OSBPL5: variants seen among roughly 807,000 people sequenced by gnomAD.
OSBPL5 encodes oxysterol binding protein like 5.
OSBPL5 carries 71 observed loss-of-function variants against 111.2 expected under a neutral mutation model. The observed-to-expected ratio is 0.64, with a 90% CI of 0.53 to 0.78. OSBPL5 has a LOEUF of 0.78. OSBPL5 is among the 30% of genes least tolerant of loss of function. OSBPL5 has a pLI of 0.00. For missense variants in OSBPL5, 1,210 were observed against 1,189.3 expected, an observed-to-expected ratio of 1.02 and a Z score of -0.26; for synonymous variants, 549 against 513.9, an observed-to-expected ratio of 1.07 and a Z score of -0.93.
chr11:3,095,768 G>C (rs748891675), intron 14 of OSBPL5, among the ~76,000 whole-genome samples: 1 of 152,168 alleles, frequency 6.6e-6, no homozygotes, highest in Non-Finnish European at 1.5e-5. Context: ...TAGTAGACAA[G>C]GGGAAGTTTC....
Position 3,146,987 on chromosome 11 carries a change from G to A in OSBPL5, c.-21-17818C>T, listed in dbSNP as rs1846371904. On this transcript the variant is annotated intron_variant, in intron 1 of 21. Transcript: ENST00000263650. The surrounding 1 kb of genome is among the most constrained non-coding windows in gnomAD (Gnocchi z 7.8). ...TTGGCAGCTGTCACGACCCTCCTGA[G>A]CTAAACGCACAGCCCGCACCTTGTT... 1.3e-5 allele frequency among the ~76,000 whole-genome samples: 2 copies of A among 152,180 alleles called. No homozygotes were observed. Among genetic ancestry groups the A allele is most frequent in the Admixed American group, 1.3e-4 (2 of 15,278 alleles).
intron 1 of OSBPL5, among the ~76,000 whole-genome samples, chr11:3,155,295 GCTACAGGGACCCT>G (rs1846719025): frequency 6.6e-6 from 1 of 152,088 alleles, no homozygotes. Context: ...ATCTGGAGGT[GCTACAGGGACCCT>G]CTCCAGGAAT....
chr11:3,090,828 G>C, intron 19 of OSBPL5, 132 bp from the exon 20 acceptor site: 2 of 1,252,496 alleles, frequency 1.6e-6, no homozygotes, highest in Non-Finnish European at 2.2e-6. Flanking sequence ...CTGCTGGGCT[G>C]TGGAGCTGGC....
chr11:3,093,187 TCA>T, intron 17 of OSBPL5, 135 bp from the exon 18 acceptor site: 1 of 962,184 alleles, frequency 1.0e-6, no homozygotes, highest in Non-Finnish European at 1.5e-6. Context: ...GACAGGGAGC[TCA>T]CTACTTTGAA....
chr11:3,104,368 C>G lies in OSBPL5; in HGVS notation c.1069G>C (p.Ala357Pro). Residue 357 changes from alanine to proline, a missense_variant, in exon 10 of 22, where the codon GCG (alanine) becomes CCG (proline). Transcript: ENST00000263650. The surrounding 1 kb of genome is among the most constrained non-coding windows in gnomAD (Gnocchi z 5.0). ...VQEELGELGE[A>P]SQVETVSEEN... ...TCTGACACTGTCTCCACCTGGGACG[C>G]CTCGCCCAGCTGCAGCAGACAGGCT... The G allele has an allele frequency of 6.2e-7, 1 of 1,609,788 alleles. No homozygotes were observed. Among genetic ancestry groups the G allele is most frequent in the Non-Finnish European group, 8.5e-7 (1 of 1,179,648 alleles).
chr11:3,151,773 C>G (rs1361754239), intron 1 of OSBPL5, among the ~76,000 whole-genome samples: 2 of 152,246 alleles, frequency 1.3e-5, no homozygotes, highest in African/African-American at 4.8e-5. Flanking sequence ...GGTCTCCAGG[C>G]AACACAGCCA....
Position 3,107,511 on chromosome 11 carries a change from C to T in OSBPL5, c.867-56G>A. ...GTCACAGGTGAGAGCCCAGCACAGC[C>T]CTCTGGGCTGCCCACCCCTCGCTGC... On this transcript the variant is annotated intron_variant, in intron 8 of 21. Coordinates refer to ENST00000263650, the MANE Select transcript of OSBPL5 (RefSeq NM_020896.4). This position sits in a 1 kb window ranked among gnomAD's most constrained non-coding sequence, Gnocchi z 6.1. 1.3e-6 allele frequency: 2 copies of T among 1,572,498 alleles called. No individual in the cohort carries two copies. The highest frequency in any genetic ancestry group is 1.7e-6 in the Non-Finnish European group (2 of 1,146,878).
At chr11:3,131,863 A>ATCCATCCTCCTGTCCATCCC (rs201921998) in intron 1 of OSBPL5, among the ~76,000 whole-genome samples, 1 of 92,860 alleles carries the variant, frequency 1.1e-5, no homozygotes, top group Non-Finnish European at 2.0e-5. Context: ...CAAACCATCC[A>ATCCATCCTCCTGTCCATCCC]TCCATCCATC....
At chr11:3,096,732 A>G (rs1229384957) in intron 14 of OSBPL5, among the ~76,000 whole-genome samples, 1 of 152,120 alleles carries the variant, frequency 6.6e-6, no homozygotes, top group African/African-American at 2.4e-5. Context: ...TTTACTTCCA[A>G]TTAATTCAGG....
intron 17 of OSBPL5, 122 bp downstream of exon 17, chr11:3,093,405 G>A: frequency 1.4e-6 from 2 of 1,432,478 alleles, no homozygotes; most frequent in South Asian, 1.3e-5. Context: ...GGTGCACCAG[G>A]CCTGCCCTCC....
chr11:3,097,785 G>A (rs1164007605), intron 14 of OSBPL5, among the ~76,000 whole-genome samples: 2 of 152,192 alleles, frequency 1.3e-5, no homozygotes, highest in Non-Finnish European at 2.9e-5. Flanking sequence ...GAACAGGCAA[G>A]GCCGAGCGCA....
intron 7 of OSBPL5, 95 bp downstream of exon 7, chr11:3,119,452 T>A: frequency 7.8e-7 from 1 of 1,280,554 alleles, no homozygotes; most frequent in Non-Finnish European, 1.0e-6. Context: ...TAGAAGGGAC[T>A]GAACTGGGGC....
intron 1 of OSBPL5, among the ~76,000 whole-genome samples, chr11:3,147,051 T>C (rs1846375195): frequency 6.7e-6 from 1 of 149,818 alleles, no homozygotes; most frequent in Admixed American, 6.6e-5. Flanking sequence ...TGTCCTGGGA[T>C]CCTTCCCAGT....
chr11:3,094,389 G>A (rs1341359999), intron 14 of OSBPL5, 55 bp from the exon 15 acceptor site: 3 of 1,440,828 alleles, frequency 2.1e-6, no homozygotes, highest in Non-Finnish European at 1.9e-6. Context: ...TGAGCCCCAG[G>A]CCCTGCTGAG....
At chr11:3,111,291 G>A (rs906223194) in intron 7 of OSBPL5, among the ~76,000 whole-genome samples, 1 of 152,036 alleles carries the variant, frequency 6.6e-6, no homozygotes, top group Non-Finnish European at 1.5e-5. Context: ...CTTCCATGAC[G>A]ATGGAAGGCA....
intron 1 of OSBPL5, among the ~76,000 whole-genome samples, chr11:3,138,508 C>G (rs575884374): frequency 1.3e-5 from 2 of 152,198 alleles, no homozygotes; most frequent in African/African-American, 4.8e-5. Flanking sequence ...GGATTGTGGA[C>G]GCAATCTCAA....
At chr11:3,118,057 T>A (rs766225790) in intron 7 of OSBPL5, among the ~76,000 whole-genome samples, 12 of 152,226 alleles carry the variant, frequency 7.9e-5, no homozygotes, top group African/African-American at 2.4e-4. Context: ...GGGACCTACC[T>A]GTGTAGGAAT....
At chr11:3,120,916 C>T (rs1460486525) in intron 5 of OSBPL5, among the ~76,000 whole-genome samples, 8 of 152,164 alleles carry the variant, frequency 5.3e-5, no homozygotes, top group African/African-American at 1.7e-4. Flanking sequence ...AAAAGGAGCC[C>T]ATATGTTATG....
intron 1 of OSBPL5, among the ~76,000 whole-genome samples, chr11:3,131,699 T>TATCCATCCATCCATCCTCCC (rs1554902689): frequency 0.079 from 6,257 of 79,006 alleles, 319 homozygotes; most frequent in African/African-American, 0.12. Context: ...CCCATTCATC[T>TATCCATCCATCCATCCTCCC]ATCCATCCAT....
Sources: gnomAD v4.1 joint callset for allele counts (sites outside exome capture counted in the v4.1 genomes callset) on GRCh38, gnomAD v4.1.1 for gene constraint, Gnocchi (gnomAD v3.1) non-coding constraint, MANE v1.5 for transcripts, NCBI Gene and HGNC (gene_info 2026-07-23, HGNC 2026-07-21) for gene names.